LCLAT1: variants seen among roughly 807,000 people sequenced by gnomAD.
LCLAT1 encodes the protein 1-AGP acyltransferase 8.
Under a neutral mutation model 30.7 loss-of-function variants are expected in LCLAT1, and 11 were observed. That is an observed-to-expected ratio of 0.36 (90% CI 0.23 to 0.59). The LOEUF (loss-of-function observed/expected upper bound fraction) is 0.59. Among genes scored for constraint, LCLAT1 ranks in the 20% least tolerant of loss-of-function variants. The probability of loss-of-function intolerance (pLI) is 0.77; values close to 1 mark genes in which losing one functional copy is unlikely to be tolerated. For synonymous variants in LCLAT1, 155 were observed against 151.3 expected (o/e 1.02, Z -0.18); for missense variants, 402 against 458.6 (o/e 0.88, Z 1.13).
At chr2:30,538,962 C>CTT (rs745791329) in intron 3 of LCLAT1, among the ~76,000 whole-genome samples, 5 of 141,534 alleles carry the variant, frequency 3.5e-5, no homozygotes, top group Admixed American at 7.2e-5. Context: ...CCCCCAACCT[C>CTT]TTTTTTTTTT....
intron 1 of LCLAT1, among the ~76,000 whole-genome samples, chr2:30,484,753 C>T (rs2363294): frequency 0.16 from 24,035 of 151,622 alleles, 1,987 homozygotes; most frequent in South Asian, 0.23. Context: ...GTGTAACATT[C>T]AGTAACATTT....
chr2:30,568,324 T>A, intron 5 of LCLAT1, 148 bp downstream of exon 5: 1 of 519,622 alleles, frequency 1.9e-6, no homozygotes, highest in Non-Finnish European at 3.4e-6. Context: ...TTGGCCTATG[T>A]ACTAAAATGT....
At chr2:30,492,390 T>A (rs1683879351) in intron 1 of LCLAT1, among the ~76,000 whole-genome samples, 1 of 152,052 alleles carries the variant, frequency 6.6e-6, no homozygotes. Flanking sequence ...TATGAGCAAA[T>A]GCTTAGACAT....
rs1558577206 is a variant in LCLAT1, at chr2:30,641,899, T to TTTC, written c.*1282_*1283insCTT. On this transcript the variant is annotated 3_prime_UTR_variant, in exon 6 of 6. Coordinates refer to ENST00000379509, the MANE Select transcript of LCLAT1 (RefSeq NM_001002257.3). ...TTGGAGCTGCACACTTTTTTTTCTTTTTTTTTTTCTTTTTTTTTTTGTCGT... is the reference window on the plus strand; with the variant it reads ...TTGGAGCTGCACACTTTTTTTTCTTTTTCTTTTTTTTCTTTTTTTTTTTGTCGT... The TTTC allele has an allele frequency of 2.3e-4, 22 of 95,432 alleles. No homozygotes were observed. The East Asian group carries it at 0.011, about 48-fold the overall frequency. 5.9% of individuals were successfully genotyped at this position (95,432 alleles called of 1,614,324 possible). A position where few individuals can be genotyped will look rare whatever the true frequency, so the allele number is the denominator to read the frequency against.
intron 5 of LCLAT1, among the ~76,000 whole-genome samples, chr2:30,585,266 G>A (rs184090193): frequency 6.7e-6 from 1 of 149,836 alleles, no homozygotes; most frequent in African/African-American, 2.5e-5. Flanking sequence ...ATCCATCCTC[G>A]GTAAAAAAAA....
intron 4 of LCLAT1, among the ~76,000 whole-genome samples, chr2:30,564,415 A>C (rs1281272466): frequency 6.6e-6 from 1 of 152,178 alleles, no homozygotes; most frequent in Non-Finnish European, 1.5e-5. Context: ...TAAAATGTAT[A>C]TGTAAAACTT....
rs1183198930 is a variant in LCLAT1, at chr2:30,493,689, AC to A, written c.-4-31894del. On this transcript the variant is annotated intron_variant, in intron 1 of 5. Transcript: ENST00000379509. ...CCTTTACTGCCACATTCTCTCCCTA[AC>A]CCCTAGCAACCACTGATCTTTTTTC... Among the ~76,000 whole-genome samples the A allele has an allele frequency of 5.3e-5, 8 of 152,256 alleles. No homozygotes were observed. In the East Asian group the frequency reaches 1.3e-3, roughly 26 times the overall value.
At chr2:30,637,557 C>G (rs1246850038) in intron 5 of LCLAT1, among the ~76,000 whole-genome samples, 1 of 152,066 alleles carries the variant, frequency 6.6e-6, no homozygotes, top group Non-Finnish European at 1.5e-5. Flanking sequence ...AAAGCTTTTC[C>G]CATGGGCTTC....
At chr2:30,498,167 A>G (rs1420957706) in intron 1 of LCLAT1, among the ~76,000 whole-genome samples, 2 of 152,200 alleles carry the variant, frequency 1.3e-5, no homozygotes, top group Non-Finnish European at 1.5e-5. Context: ...GGGGGCCTGA[A>G]AGAGGGTTGC....
chr2:30,469,034 C>A (rs1167214308), intron 1 of LCLAT1, among the ~76,000 whole-genome samples: 2 of 152,136 alleles, frequency 1.3e-5, no homozygotes, highest in Admixed American at 6.5e-5. Context: ...TTATGCTTAT[C>A]AACCATTTGT....
At chr2:30,521,489 C>CTTTTTTTTTTTTTTT (rs1262784785) in intron 1 of LCLAT1, among the ~76,000 whole-genome samples, 10 of 55,562 alleles carry the variant, frequency 1.8e-4, no homozygotes, top group East Asian at 5.7e-4. Flanking sequence ...TAAACTACTT[C>CTTTTTTTTTTTTTTT]TTCTTTTTTT....
chr2:30,599,512 C>A (rs1054433704), intron 5 of LCLAT1, among the ~76,000 whole-genome samples: 2 of 152,132 alleles, frequency 1.3e-5, no homozygotes, highest in Non-Finnish European at 2.9e-5. Flanking sequence ...GAATTCAAGT[C>A]CTAAATATCT....
In LCLAT1 at chr2:30,642,149, C is replaced by CATTGTGAACTGAACTTACCA. The variant is rs925651757; in HGVS notation, c.*1532_*1551dup. The CATTGTGAACTGAACTTACCA allele has an allele frequency of 6.6e-6, 1 of 152,120 alleles. No homozygotes were observed. Among genetic ancestry groups the CATTGTGAACTGAACTTACCA allele is most frequent in the African/African-American group, 2.4e-5 (1 of 41,422 alleles). The allele number at this position is 152,120 out of a possible 1,614,324, so 9.4% of individuals were successfully genotyped here. A position where few individuals can be genotyped will look rare whatever the true frequency, so the allele number is the denominator to read the frequency against. ...CGTGCATTGCCATGAAAGGTAAACA[C>CATTGTGAACTGAACTTACCA]ATTGTGAACTGAACTTACCAAGCAG... On this transcript the variant is annotated 3_prime_UTR_variant, in exon 6 of 6. Transcript: ENST00000379509.
chr2:30,458,963 A>T (rs1681967970), intron 1 of LCLAT1, among the ~76,000 whole-genome samples: 1 of 152,232 alleles, frequency 6.6e-6, no homozygotes, highest in African/African-American at 2.4e-5. Flanking sequence ...GATATAAGGA[A>T]ATTACTATAA....
intron 5 of LCLAT1, among the ~76,000 whole-genome samples, chr2:30,568,510 T>C (rs1390979557): frequency 1.7e-4 from 25 of 144,086 alleles, no homozygotes; most frequent in African/African-American, 3.1e-4. Flanking sequence ...TCTTTCTTTT[T>C]TTTTTTTTTT....
At chr2:30,633,070 A>G (rs964555984) in intron 5 of LCLAT1, among the ~76,000 whole-genome samples, 57 of 152,354 alleles carry the variant, frequency 3.7e-4, no homozygotes, top group Middle Eastern at 6.8e-3. Flanking sequence ...GTTCTTCAAA[A>G]TGTACTGACT....
chr2:30,496,301 C>T (rs1244638903), intron 1 of LCLAT1, among the ~76,000 whole-genome samples: 1 of 152,098 alleles, frequency 6.6e-6, no homozygotes, highest in Non-Finnish European at 1.5e-5. Context: ...TATCTGAATC[C>T]CTCTTTCTGA....
chr2:30,448,498 G>T (rs962088440), intron 1 of LCLAT1, among the ~76,000 whole-genome samples: 1 of 152,186 alleles, frequency 6.6e-6, no homozygotes, highest in East Asian at 1.9e-4. Flanking sequence ...TGATTTTATG[G>T]AGTAGTACCT....
intron 5 of LCLAT1, among the ~76,000 whole-genome samples, chr2:30,631,605 C>A (rs539892276): frequency 6.6e-6 from 1 of 152,230 alleles, no homozygotes; most frequent in South Asian, 2.1e-4. Flanking sequence ...ATCACACTTG[C>A]TAGGAAGCTC....
Sources: gnomAD v4.1 joint callset for allele counts (sites outside exome capture counted in the v4.1 genomes callset) on GRCh38, gnomAD v4.1.1 for gene constraint, MANE v1.5 for transcripts, NCBI Gene and HGNC (gene_info 2026-07-23, HGNC 2026-07-21) for gene names.